The following SH3RF2 variants were observed in gnomAD, a reference collection of about 807,000 sequenced individuals.
The protein encoded by SH3RF2 is SH3 domain containing ring finger 2.
Under a neutral mutation model 59.0 loss-of-function variants are expected in SH3RF2, and 43 were observed. The observed-to-expected ratio is 0.73, with a 90% CI of 0.57 to 0.94. The LOEUF (loss-of-function observed/expected upper bound fraction) is 0.94, where lower values mean the gene tolerates loss of function less well. SH3RF2 is among the 40% of genes least tolerant of loss of function. SH3RF2 has a pLI of 0.00. For synonymous variants in SH3RF2, 391 were observed against 391.5 expected, an observed-to-expected ratio of 1.00 and a Z score of 0.01; for missense variants, 930 against 940.1, an observed-to-expected ratio of 0.99 and a Z score of 0.14.
At chr5:145,999,848 GAC>G (rs371781174) in intron 2 of SH3RF2, among the ~76,000 whole-genome samples, 219 of 152,298 alleles carry the variant, frequency 1.4e-3, no homozygotes, top group African/African-American at 5.1e-3. Context: ...ACCAGAATGT[GAC>G]ACAGAGACAC....
intron 5 of SH3RF2, among the ~76,000 whole-genome samples, chr5:146,015,463 CACAA>C (rs1294868666): frequency 2.6e-5 from 4 of 152,278 alleles, no homozygotes; most frequent in African/African-American, 9.6e-5. Context: ...CACACACACA[CACAA>C]ACACACACAC....
intron 9 of SH3RF2, among the ~76,000 whole-genome samples, chr5:146,069,234 C>T (rs763928928): frequency 7.2e-5 from 11 of 152,172 alleles, no homozygotes; most frequent in Non-Finnish European, 1.3e-4. Flanking sequence ...GATTTTGATG[C>T]GCCAACATGT....
intron 2 of SH3RF2, among the ~76,000 whole-genome samples, chr5:145,992,249 C>G (rs1245616895): frequency 1.3e-5 from 2 of 152,076 alleles, no homozygotes; most frequent in African/African-American, 2.4e-5. Flanking sequence ...GTGGTGCACA[C>G]CTGTAGTCAC....
At chr5:145,967,557 T>G (rs897478687) in intron 2 of SH3RF2, among the ~76,000 whole-genome samples, 1 of 152,258 alleles carries the variant, frequency 6.6e-6, no homozygotes, top group Non-Finnish European at 1.5e-5. Context: ...GCCTAATGCT[T>G]GGTGCAGGTT....
chr5:146,012,517 A>C (rs1760945405), intron 4 of SH3RF2, among the ~76,000 whole-genome samples: 1 of 152,184 alleles, frequency 6.6e-6, no homozygotes, highest in African/African-American at 2.4e-5. Context: ...TTGGTAGGCT[A>C]TTAATTATTG....
intron 6 of SH3RF2, 84 bp from the exon 7 acceptor site, chr5:146,048,991 G>A (rs554787203): frequency 2.0e-6 from 3 of 1,507,834 alleles, no homozygotes; most frequent in East Asian, 4.5e-5. Flanking sequence ...CCACTGGGCA[G>A]TCTCTCTCCA....
intron 5 of SH3RF2, among the ~76,000 whole-genome samples, chr5:146,035,087 T>A (rs948257861): frequency 6.7e-6 from 1 of 148,164 alleles, no homozygotes; most frequent in Admixed American, 6.8e-5. Context: ...GCCTGGGCGA[T>A]GAAGTGAGAC....
At chr5:145,969,329 T>C (rs1383204682) in intron 2 of SH3RF2, among the ~76,000 whole-genome samples, 3 of 152,094 alleles carry the variant, frequency 2.0e-5, no homozygotes, top group African/African-American at 7.2e-5. Flanking sequence ...AAATAGACAG[T>C]GTAGAGTTGA....
In SH3RF2 at chr5:146,049,250, GTC is replaced by G. The variant is rs770480202; in HGVS notation, c.1322+6_1322+7del. ...TTACGTCATCCCCATTTTCAGGTGT[GTC>G]GCCTCCAATCCCAGACTTTGGGAGG... On this transcript the variant is annotated splice_donor_region_variant and intron_variant, in intron 7 of 9. Coordinates refer to ENST00000359120, the MANE Select transcript of SH3RF2 (RefSeq NM_152550.4). The G allele has an allele frequency of 4.4e-6, 7 of 1,598,690 alleles. No individual in the cohort carries two copies. Among genetic ancestry groups the G allele is most frequent in the Non-Finnish European group, 6.0e-6 (7 of 1,171,534 alleles).
chr5:145,988,913 T>C, intron 2 of SH3RF2, among the ~76,000 whole-genome samples: 1 of 152,176 alleles, frequency 6.6e-6, no homozygotes, highest in East Asian at 1.9e-4. Flanking sequence ...TTTACTCTAT[T>C]TCCCCCAACA....
At chr5:146,003,223 G>A (rs765727720) in intron 3 of SH3RF2, among the ~76,000 whole-genome samples, 2 of 152,152 alleles carry the variant, frequency 1.3e-5, no homozygotes, top group Non-Finnish European at 2.9e-5. Context: ...ACAAAATAAT[G>A]ACAAAATAAA....
chr5:145,944,245 A>G (rs1238395260), intron 2 of SH3RF2, among the ~76,000 whole-genome samples: 1 of 152,132 alleles, frequency 6.6e-6, no homozygotes, highest in African/African-American at 2.4e-5. Context: ...GTATTCTGCA[A>G]ATATTCCAAA....
At chr5:145,979,448 A>T (rs1310209740) in intron 2 of SH3RF2, among the ~76,000 whole-genome samples, 1 of 152,246 alleles carries the variant, frequency 6.6e-6, no homozygotes, top group East Asian at 1.9e-4. Flanking sequence ...ATTAGCTAGA[A>T]CTAGGCTCTG....
chr5:146,079,329 T>A (rs754795083), exon 10 of SH3RF2: 7 of 152,208 alleles, frequency 4.6e-5, no homozygotes, highest in Non-Finnish European at 1.0e-4. Context: ...ATTCTAAAAT[T>A]ACTGTGCTAA....
At chr5:146,029,247 A>T (rs544024041) in intron 5 of SH3RF2, among the ~76,000 whole-genome samples, 4 of 152,286 alleles carry the variant, frequency 2.6e-5, no homozygotes, top group African/African-American at 9.6e-5. Flanking sequence ...TAGCAAGTGC[A>T]TTTCAGAGTT....
intron 2 of SH3RF2, among the ~76,000 whole-genome samples, chr5:145,987,718 T>C (rs1444588408): frequency 6.7e-6 from 1 of 148,658 alleles, no homozygotes; most frequent in African/African-American, 2.6e-5. Context: ...ATACCTAGCA[T>C]GGTCGGCACT....
chr5:145,966,630 A>G (rs1487651186), intron 2 of SH3RF2, among the ~76,000 whole-genome samples: 1 of 152,228 alleles, frequency 6.6e-6, no homozygotes, highest in African/African-American at 2.4e-5. Flanking sequence ...TGTGGGGGAA[A>G]ACAAGAGAAA....
chr5:146,060,098 G>T lies in SH3RF2; in HGVS notation c.1788G>T (p.Ala596=). 6.2e-7 allele frequency: 1 copy of T among 1,614,018 alleles called. No homozygotes were observed. Residue 596 remains alanine, a synonymous_variant, in exon 9 of 10, where the codon GCG becomes GCT. Coordinates refer to ENST00000359120, the MANE Select transcript of SH3RF2 (RefSeq NM_152550.4). ...SRGSEAWIHS[A]ASSLIMEDKE... ...GCAGTGAGGCCTGGATCCACTCCGC[G>T]GCCAGCTCCCTCATTATGGAAGACA...
chr5:145,963,536 A>G (rs900693150), intron 2 of SH3RF2, among the ~76,000 whole-genome samples: 2 of 152,188 alleles, frequency 1.3e-5, no homozygotes, highest in African/African-American at 2.4e-5. Flanking sequence ...GAGGGATGAA[A>G]AATTTTATAC....
Sources: allele counts gnomAD v4.1 joint callset (sites outside exome capture counted in the v4.1 genomes callset), GRCh38; gene constraint gnomAD v4.1.1; transcripts MANE v1.5; gene names NCBI Gene and HGNC (gene_info 2026-07-23, HGNC 2026-07-21).